The following TEAD3 variants were observed in gnomAD, a reference collection of about 807,000 sequenced individuals.
TEAD3 encodes the protein transcriptional enhancer factor TEF-5.
In TEAD3, 15 loss-of-function variants were observed where a neutral mutation model predicts 55.6. The observed-to-expected ratio is 0.27, with a 90% CI of 0.18 to 0.42. TEAD3 has a LOEUF of 0.42. TEAD3 is among the 10% of genes least tolerant of loss of function. TEAD3 has a pLI of 1.00. For synonymous variants in TEAD3, 210 were observed against 232.2 expected (o/e 0.90, Z 0.87); for missense variants, 407 against 576.8 (o/e 0.71, Z 3.01).
chr6:35,495,948 C>T (rs1191804969), intron 1 of TEAD3, among the ~76,000 whole-genome samples: 1 of 152,232 alleles, frequency 6.6e-6, no homozygotes, highest in African/African-American at 2.4e-5. Flanking sequence ...AGGCCTCCTT[C>T]CCCCTCGCAC....
At chr6:35,487,652 G>A (rs1232907010) in intron 1 of TEAD3, among the ~76,000 whole-genome samples, 1 of 151,946 alleles carries the variant, frequency 6.6e-6, no homozygotes, top group Non-Finnish European at 1.5e-5. Context: ...GAACTCCAGA[G>A]GCAGAGGTTG....
chr6:35,476,080 G>A, exon 10 of TEAD3: 2 of 1,538,190 alleles, frequency 1.3e-6, no homozygotes, highest in South Asian at 1.3e-5. Context: ...TGCACAAACA[G>A]GTGTTTGCTG....
chr6:35,489,529 C>T (rs1306724339), intron 1 of TEAD3, among the ~76,000 whole-genome samples: 2 of 152,182 alleles, frequency 1.3e-5, no homozygotes, highest in Non-Finnish European at 2.9e-5. Flanking sequence ...TGCCGTACAG[C>T]CCTTTCTGTG....
In TEAD3 at chr6:35,475,476, T is replaced by C; in HGVS notation, c.1054A>G (p.Arg352Gly). ...TACACAAAGCGCCCGTTCTCCAGCC[T>C]GGCATACTCAGTCTGCAGAGAATAT... The change falls in exon 12 of 13, where the codon AGG (arginine) becomes GGG (glycine). Residue 352 changes from arginine (R) to glycine (G), a missense_variant. Coordinates refer to ENST00000639578, the Ensembl canonical transcript of TEAD3. The surrounding 1 kb of genome is among the most constrained non-coding windows in gnomAD (Gnocchi z 5.4). 1 of 1,612,666 alleles carries C rather than the reference T, an allele frequency of 6.2e-7. No homozygotes were observed. The highest frequency in any genetic ancestry group is 8.5e-7 in the Non-Finnish European group (1 of 1,178,838).
chr6:35,476,815 T>C (rs1768158702), intron 8 of TEAD3, among the ~76,000 whole-genome samples: 1 of 133,480 alleles, frequency 7.5e-6, no homozygotes, highest in Non-Finnish European at 1.5e-5. Context: ...TAGCTGTGTA[T>C]TGGCTATGGT....
At position 35,475,861 on chromosome 6, in the gene TEAD3, T is replaced by A; in HGVS notation, c.900+58A>T. ...CAGAGGTCAATGCAGTGGGCCTGGA[T>A]GTTGCACCTCTGGGGTGGGGAAGGG... On this transcript the variant is annotated intron_variant, in intron 10 of 12. Coordinates refer to ENST00000639578, the Ensembl canonical transcript of TEAD3. The surrounding 1 kb of genome is among the most constrained non-coding windows in gnomAD (Gnocchi z 5.4). 2.7e-6 allele frequency: 4 copies of A among 1,499,798 alleles called. No homozygotes were observed. The highest frequency in any genetic ancestry group is 3.6e-6 in the Non-Finnish European group (4 of 1,123,044). The allele number at this position is 1,499,798 out of a possible 1,614,324, so 92.9% of individuals were successfully genotyped here.
At chr6:35,495,445 G>A (rs1180698865) in intron 1 of TEAD3, among the ~76,000 whole-genome samples, 1 of 152,172 alleles carries the variant, frequency 6.6e-6, no homozygotes, top group African/African-American at 2.4e-5. Flanking sequence ...GAAGGCCCAA[G>A]AGCTTGGGAC....
At position 35,483,516 on chromosome 6, in the gene TEAD3, T is replaced by C. The variant is rs1223442433; in HGVS notation, c.267+1044A>G. Among the ~76,000 whole-genome samples the C allele has an allele frequency of 6.6e-6, 1 of 152,164 alleles. No individual in the cohort carries two copies. The highest frequency in any genetic ancestry group is 6.5e-5 in the Admixed American group (1 of 15,278). Reference sequence around the variant, plus strand: ...CCACTAACTGTCTCTTACATCATCATTTTTCTCCACTCCCACCACCACTAC... The same window carrying C: ...CCACTAACTGTCTCTTACATCATCACTTTTCTCCACTCCCACCACCACTAC... On this transcript the variant is annotated intron_variant, in intron 3 of 12. Coordinates refer to ENST00000639578, the Ensembl canonical transcript of TEAD3. This position sits in a 1 kb window ranked among gnomAD's most constrained non-coding sequence, Gnocchi z 4.5.
At chr6:35,490,223 G>GC (rs914854285) in intron 1 of TEAD3, among the ~76,000 whole-genome samples, 81 of 152,190 alleles carry the variant, frequency 5.3e-4, no homozygotes, top group African/African-American at 1.9e-3. Context: ...GCCCCGCCCC[G>GC]CCCCCCGCGG....
Position 35,478,331 on chromosome 6 carries a change from G to T in TEAD3, c.481-7C>A. Reference sequence around the variant, plus strand: ...GAGGGGGGCTGCTCCAGAACTGCAGGGATGAGACAAGGCCCAGGGGCCCCT... The same window carrying T: ...GAGGGGGGCTGCTCCAGAACTGCAGTGATGAGACAAGGCCCAGGGGCCCCT... On this transcript the variant is annotated splice_polypyrimidine_tract_variant and splice_region_variant and intron_variant, in intron 6 of 12. Transcript: ENST00000639578. The T allele has an allele frequency of 6.2e-7, 1 of 1,613,808 alleles. No homozygotes were observed. Among genetic ancestry groups the T allele is most frequent in the Non-Finnish European group, 8.5e-7 (1 of 1,179,872 alleles).
At chr6:35,480,491 T>C (rs1768245823) in intron 3 of TEAD3, 117 bp from the exon 4 acceptor site, 1 of 1,025,924 alleles carries the variant, frequency 9.7e-7, no homozygotes, top group Non-Finnish European at 1.5e-6. Flanking sequence ...GAACTACATG[T>C]AAATGGGGGG....
At chr6:35,487,515 G>A (rs1172396426) in intron 1 of TEAD3, among the ~76,000 whole-genome samples, 6 of 133,872 alleles carry the variant, frequency 4.5e-5, no homozygotes, top group Non-Finnish European at 9.1e-5. Flanking sequence ...TCACGTCACT[G>A]CACTCCAGCC....
At position 35,486,421 on chromosome 6, in the gene TEAD3, G is replaced by C. The variant is rs1039645468; in HGVS notation, c.202+40C>G. The stretch of plus-strand genomic sequence containing the variant: ...GTTGGGTGAGAGGGCAGAGAGCAGG[G>C]GGAAGGGCCGCAGTCCCGCCCGCGC... On this transcript the variant is annotated intron_variant, in intron 2 of 12. Coordinates refer to ENST00000639578, the Ensembl canonical transcript of TEAD3. The surrounding 1 kb of genome is among the most constrained non-coding windows in gnomAD (Gnocchi z 7.3). 8 of 1,583,182 alleles carry C rather than the reference G, an allele frequency of 5.1e-6. No individual in the cohort carries two copies. The highest frequency in any genetic ancestry group is 1.7e-5 in the Admixed American group (1 of 58,498).
At chr6:35,474,565 C>A (rs539735664), downstream of TEAD3, 128 of 158,806 alleles carry the variant, frequency 8.1e-4, no homozygotes, top group African/African-American at 2.6e-3. Flanking sequence ...GGGCACCAGG[C>A]CTGGGACACA....
rs1488656193 is a variant in TEAD3, at chr6:35,484,890, C to T, written c.203-266G>A. On this transcript the variant is annotated intron_variant, in intron 2 of 12. Coordinates refer to ENST00000639578, the Ensembl canonical transcript of TEAD3. The surrounding 1 kb of genome is among the most constrained non-coding windows in gnomAD (Gnocchi z 5.8). ...GCTGCAGGGTAGGAGGAAGGAGGGC[C>T]GAGCAGCACTAGGCACCCTGACAGG... Among the ~76,000 whole-genome samples the T allele has an allele frequency of 2.0e-5, 3 of 152,150 alleles. No homozygotes were observed. The highest frequency in any genetic ancestry group is 4.8e-5 in the African/African-American group (2 of 41,436).
rs1768435937 is a variant in TEAD3, at chr6:35,488,530, G to A, written c.-49-1819C>T. Among the ~76,000 whole-genome samples, 1 of 151,996 alleles carries A rather than the reference G, an allele frequency of 6.6e-6. No homozygotes were observed. The highest frequency in any genetic ancestry group is 2.4e-5 in the African/African-American group (1 of 41,336). ...AAAGGGGAGGGGTGGAGATGTAGGG[G>A]ACACCGTCAGAAGCCAGGGAGAGGA... is the stretch of plus-strand genomic sequence containing the variant. On this transcript the variant is annotated intron_variant, in intron 1 of 12. Transcript: ENST00000639578. This position sits in a 1 kb window ranked among gnomAD's most constrained non-coding sequence, Gnocchi z 4.2.
At position 35,484,159 on chromosome 6, in the gene TEAD3, C is replaced by CA. The variant is rs1185340256; in HGVS notation, c.267+400dup. 6.6e-6 allele frequency among the ~76,000 whole-genome samples: 1 copy of CA among 152,188 alleles called. No homozygotes were observed. The highest frequency in any genetic ancestry group is 1.5e-5 in the Non-Finnish European group (1 of 68,038). The stretch of plus-strand genomic sequence containing the variant: ...TGCTTGTCCCAGGGTGCCCTGCACC[C>CA]ACCCTCTCTCAGCCCCGCCACCTTG... On this transcript the variant is annotated intron_variant, in intron 3 of 12. Transcript: ENST00000639578. This position sits in a 1 kb window ranked among gnomAD's most constrained non-coding sequence, Gnocchi z 5.8.
intron 1 of TEAD3, among the ~76,000 whole-genome samples, chr6:35,487,630 CGAA>C (rs1768414330): frequency 6.7e-6 from 1 of 149,834 alleles, no homozygotes; most frequent in Non-Finnish European, 1.5e-5. Flanking sequence ...GGCTGAGGCA[CGAA>C]GATCACTTGA....
At chr6:35,493,688 G>A (rs894988779) in intron 1 of TEAD3, among the ~76,000 whole-genome samples, 3 of 152,200 alleles carry the variant, frequency 2.0e-5, no homozygotes, top group Admixed American at 6.5e-5. Context: ...CACATGCTGC[G>A]TCACAACATG....
Sources: gnomAD v4.1 joint callset for allele counts (sites outside exome capture counted in the v4.1 genomes callset) on GRCh38, gnomAD v4.1.1 for gene constraint, Gnocchi (gnomAD v3.1) non-coding constraint, MANE v1.5 for transcripts, NCBI Gene and HGNC (gene_info 2026-07-23, HGNC 2026-07-21) for gene names.